Variants in ZNF723 observed in about 807,000 individuals in gnomAD.
ZNF723 encodes the protein zinc finger protein 723.
In ZNF723, 5 loss-of-function variants were observed where a neutral mutation model predicts 9.4. That is an observed-to-expected ratio of 0.53 (90% CI 0.28 to 1.12). ZNF723 has a LOEUF of 1.12. Ranked by LOEUF, ZNF723 falls within the 50% of genes most tolerant of loss-of-function variation. The probability of loss-of-function intolerance (pLI) is 0.10; values close to 1 mark genes in which losing one functional copy is unlikely to be tolerated. For synonymous variants in ZNF723, 158 were observed against 168.8 expected, an observed-to-expected ratio of 0.94 and a Z score of 0.49; for missense variants, 450 against 501.5, an observed-to-expected ratio of 0.90 and a Z score of 0.98.
chr19:22,854,326 T>C (rs1967440643), intron 3 of ZNF723, among the ~76,000 whole-genome samples: 11 of 152,174 alleles, frequency 7.2e-5, no homozygotes, highest in Admixed American at 7.2e-4. Flanking sequence ...TTCTCTCATT[T>C]GGTTAGTATC....
chr19:22,835,327 CCA>C (rs1156795436), intron 1 of ZNF723, among the ~76,000 whole-genome samples: 2,131 of 151,792 alleles, frequency 0.014, 39 homozygotes, highest in African/African-American at 0.049. Context: ...CAGGCGTGAG[CCA>C]CCACGCCTGT....
chr19:22,858,391 G>A lies in ZNF723; in HGVS notation c.1500G>A (p.Lys500=), dbSNP rs912756258. The A allele has an allele frequency of 5.1e-6, 4 of 791,656 alleles. No individual in the cohort carries two copies. The highest frequency in any genetic ancestry group is 4.2e-6 in the Non-Finnish European group (2 of 479,680). The allele number at this position is 791,656 out of a possible 1,614,324, so 49.0% of individuals were successfully genotyped here. ...AGTCCTCAATTCTTAACAGACATAAGATAATTCATACTAAAGAGAAATCAC... is the reference window on the plus strand; with the variant it reads ...AGTCCTCAATTCTTAACAGACATAAAATAATTCATACTAAAGAGAAATCAC... ...FNKSSILNRH[K]IIHTKEKSQT... Residue 500 remains lysine (K), a synonymous_variant, in exon 4 of 4, where the codon AAG becomes AAA. Coordinates refer to ENST00000600766, the MANE Select transcript of ZNF723 (RefSeq NM_001349726.2).
At chr19:22,822,603 C>T in the ZNF723 span, among the ~76,000 whole-genome samples, 1 of 152,244 alleles carries the variant, frequency 6.6e-6, no homozygotes, top group African/African-American at 2.4e-5. Context: ...TGGCGCATGC[C>T]TGTAATTCCA....
intron 3 of ZNF723, among the ~76,000 whole-genome samples, chr19:22,854,961 C>T (rs557192370): frequency 2.6e-5 from 4 of 152,056 alleles, no homozygotes; most frequent in East Asian, 2.0e-4. Flanking sequence ...GCAAGAGAAT[C>T]GCTTGAACCC....
At chr19:22,835,229 AC>A (rs1210333769) in intron 1 of ZNF723, among the ~76,000 whole-genome samples, 1 of 151,702 alleles carries the variant, frequency 6.6e-6, no homozygotes, top group Non-Finnish European at 1.5e-5. Context: ...TTTAGCAGAG[AC>A]GGGGTTTCAC....
chr19:22,812,634 G>A, the ZNF723 span, among the ~76,000 whole-genome samples: 86 of 152,190 alleles, frequency 5.7e-4, no homozygotes, highest in Non-Finnish European at 9.1e-4. Flanking sequence ...AGAACCTAGC[G>A]CACAGGTGAG....
At chr19:22,822,329 G>C in the ZNF723 span, among the ~76,000 whole-genome samples, 1 of 152,166 alleles carries the variant, frequency 6.6e-6, no homozygotes, top group South Asian at 2.1e-4. Flanking sequence ...GTAAATCTGG[G>C]AACAGGTTGA....
rs895504471 is a variant in ZNF723 at position 22,858,615 on chromosome 19, A to T, written c.*182A>T. 12 of 426,780 alleles carry T rather than the reference A, an allele frequency of 2.8e-5. No individual in the cohort carries two copies. The highest frequency in any genetic ancestry group is 2.2e-4 in the African/African-American group (11 of 49,092). The allele number at this position is 426,780 out of a possible 1,614,324, so 26.4% of individuals were successfully genotyped here. A position where few individuals can be genotyped will look rare whatever the true frequency, so the allele number is the denominator to read the frequency against. ...AACGTCTCTACTAAAATACAAAAAA[A>T]ATTAGCCGGGTGTAGTGGTGGGCGC... On this transcript the variant is annotated 3_prime_UTR_variant, in exon 4 of 4. Coordinates refer to ENST00000600766, the MANE Select transcript of ZNF723 (RefSeq NM_001349726.2).
chr19:22,814,014 G>A, the ZNF723 span, among the ~76,000 whole-genome samples: 1 of 151,814 alleles, frequency 6.6e-6, no homozygotes, highest in East Asian at 2.0e-4. Context: ...GTTTCACTAT[G>A]TTGGCCAGTC....
chr19:22,843,007 C>T lies in ZNF723; in HGVS notation c.4-5254C>T, dbSNP rs182530559. Among the ~76,000 whole-genome samples, 721 of 152,222 alleles carry T rather than the reference C, an allele frequency of 4.7e-3. 8 individuals carry two copies. The highest frequency in any genetic ancestry group is 0.016 in the African/African-American group (673 of 41,556). On this transcript the variant is annotated intron_variant, in intron 1 of 3. Transcript: ENST00000600766. ...ATAAATAGAATCTGATGGCAGAATA[C>T]GTAAGTGTGAACAAGCATCTTCAGA...
chr19:22,832,118 C>T (rs531326437), upstream of ZNF723, among the ~76,000 whole-genome samples: 4 of 152,338 alleles, frequency 2.6e-5, no homozygotes, highest in East Asian at 7.7e-4. Flanking sequence ...AACGCCACAG[C>T]TTAGGCTGTC....
intron 1 of ZNF723, among the ~76,000 whole-genome samples, chr19:22,836,977 C>T (rs1274848540): frequency 6.6e-6 from 1 of 151,938 alleles, no homozygotes; most frequent in Non-Finnish European, 1.5e-5. Flanking sequence ...ATGGAAGTCC[C>T]CAGTTTTTAA....
the ZNF723 span, among the ~76,000 whole-genome samples, chr19:22,816,921 C>A: frequency 6.6e-6 from 1 of 152,234 alleles, no homozygotes; most frequent in Non-Finnish European, 1.5e-5. Context: ...TCTCCTGCCT[C>A]ACCCTTGTTT....
chr19:22,830,972 A>G (rs928067814), upstream of ZNF723, among the ~76,000 whole-genome samples: 4 of 152,062 alleles, frequency 2.6e-5, no homozygotes, highest in Non-Finnish European at 4.4e-5. Context: ...CATGTTGGCC[A>G]GGCTGGTCTT....
chr19:22,856,582 A>G (rs1035655430), intron 3 of ZNF723, among the ~76,000 whole-genome samples: 1 of 152,136 alleles, frequency 6.6e-6, no homozygotes, highest in African/African-American at 2.4e-5. Flanking sequence ...ATCGCTTGCT[A>G]CACCTGTTCC....
chr19:22,844,059 A>C (rs1275319813), intron 1 of ZNF723, among the ~76,000 whole-genome samples: 2 of 152,164 alleles, frequency 1.3e-5, no homozygotes, highest in Non-Finnish European at 2.9e-5. Context: ...GTCTTGCCTC[A>C]CAGAACTGAT....
At chr19:22,855,832 C>T (rs1967470047) in intron 3 of ZNF723, among the ~76,000 whole-genome samples, 2 of 152,000 alleles carry the variant, frequency 1.3e-5, no homozygotes, top group African/African-American at 4.8e-5. Flanking sequence ...CCAAGATTCT[C>T]TTTTTGTCTG....
At position 22,832,295 on chromosome 19, in the gene ZNF723, T is replaced by G; in HGVS notation, c.-85T>G. On this transcript the variant is annotated 5_prime_UTR_variant, in exon 1 of 4. Coordinates refer to ENST00000600766, the MANE Select transcript of ZNF723 (RefSeq NM_001349726.2). ...GCTTCCGGGATTTGGCGCGGCCTTTTGAGTTCCTGGTCTCTGTGGCCTCCT... is the reference window on the plus strand; with the variant it reads ...GCTTCCGGGATTTGGCGCGGCCTTTGGAGTTCCTGGTCTCTGTGGCCTCCT... The G allele has an allele frequency of 7.9e-7, 1 of 1,267,446 alleles. No individual in the cohort carries two copies. Among genetic ancestry groups the G allele is most frequent in the Non-Finnish European group, 1.1e-6 (1 of 902,940 alleles). 78.5% of individuals were successfully genotyped at this position (1,267,446 alleles called of 1,614,324 possible).
At chr19:22,835,053 T>G (rs1248946574) in intron 1 of ZNF723, among the ~76,000 whole-genome samples, 2 of 107,632 alleles carry the variant, frequency 1.9e-5, no homozygotes, top group Non-Finnish European at 3.7e-5. Context: ...TGTGTGATTT[T>G]TTTTGTTTGT....
Sources: allele counts gnomAD v4.1 joint callset (sites outside exome capture counted in the v4.1 genomes callset), GRCh38; gene constraint gnomAD v4.1.1; transcripts MANE v1.5; gene names NCBI Gene and HGNC (gene_info 2026-07-23, HGNC 2026-07-21).